ARHGEF11: variants seen among roughly 807,000 people sequenced by gnomAD.
The protein encoded by ARHGEF11 is Rho guanine nucleotide exchange factor 11.
Under a neutral mutation model 193.7 loss-of-function variants are expected in ARHGEF11, and 55 were observed. The ratio of observed to expected loss-of-function variants is 0.28; its 90% confidence interval spans 0.23 to 0.36. The LOEUF (loss-of-function observed/expected upper bound fraction) is 0.36, where lower values mean the gene tolerates loss of function less well. ARHGEF11 is among the 10% of genes least tolerant of loss of function. The pLI, the probability that ARHGEF11 is intolerant of heterozygous loss-of-function variation, is 1.00. For synonymous variants in ARHGEF11, 693 were observed against 768.0 expected (o/e 0.90, Z 1.62); for missense variants, 1,723 against 2,005.6 (o/e 0.86, Z 2.69).
rs561097294 is a variant in ARHGEF11, at chr1:157,019,995, C to T, written c.32+24304G>A. 1.9e-4 allele frequency among the ~76,000 whole-genome samples: 29 copies of T among 151,900 alleles called. No individual in the cohort carries two copies. In the South Asian group the frequency reaches 4.4e-3, roughly 23 times the overall value. On this transcript the variant is annotated intron_variant, in intron 1 of 40. Transcript: ENST00000368194. ...CAAAAAAATTAGCCAGGTGTGGTGG[C>T]GGGCGCCTGTAGTCCCAGCTACTCG...
chr1:157,036,545 C>T lies in ARHGEF11; in HGVS notation c.32+7754G>A, dbSNP rs369189006. On this transcript the variant is annotated intron_variant, in intron 1 of 40. Transcript: ENST00000368194. ...CCATGTTGGCCAGGCTGGTCTCAAA[C>T]GCCTCACCTCAGGTAATCCACCCAC... Among the ~76,000 whole-genome samples the T allele has an allele frequency of 1.1e-4, 17 of 152,066 alleles. No individual in the cohort carries two copies. In the Middle Eastern group the frequency reaches 0.01, roughly 91 times the overall value.
Position 156,951,780 on chromosome 1 carries a change from G to A in ARHGEF11, c.1799-81C>T, listed in dbSNP as rs1329224635. The A allele has an allele frequency of 7.1e-5, 112 of 1,581,222 alleles. No homozygotes were observed. In the East Asian group the frequency reaches 2.5e-3, roughly 35 times the overall value. ...CAGGCTTGGACTTCCCCAGATCCCA[G>A]AAGACAGAGCAATGAGCAAGCGTGG... On this transcript the variant is annotated intron_variant, in intron 21 of 40. Transcript: ENST00000368194.
chr1:156,936,793 G>A (rs200994921), intron 40 of ARHGEF11, 23 bp downstream of exon 40: 49 of 1,605,140 alleles, frequency 3.1e-5, no homozygotes, highest in Middle Eastern at 1.7e-4. Context: ...GGTAGGAACC[G>A]AGAGGGACCT....
Position 156,939,657 on chromosome 1 carries a change from G to T in ARHGEF11, c.3987C>A (p.Pro1329=). The T allele has an allele frequency of 6.2e-7, 1 of 1,613,928 alleles. No individual in the cohort carries two copies. The highest frequency in any genetic ancestry group is 8.5e-7 in the Non-Finnish European group (1 of 1,180,024). The change falls in exon 37 of 41, where the codon CCC becomes CCA. Residue 1329 remains proline (P), a synonymous_variant. Coordinates refer to ENST00000368194, the MANE Select transcript of ARHGEF11 (RefSeq NM_198236.3). ...DMGLCSLEHL[P]PRTRNSGIWE... ...ATATCCCAGAATTTCTGGTCCTTGG[G>T]GGTAGGTGTTCCAGAGAACAGAGAC...
In ARHGEF11 at chr1:156,968,110, C is replaced by G; in HGVS notation, c.840G>C (p.Arg280=). 3.7e-6 allele frequency: 6 copies of G among 1,609,448 alleles called. No individual in the cohort carries two copies. Among genetic ancestry groups the G allele is most frequent in the Non-Finnish European group, 5.1e-6 (6 of 1,176,834 alleles). The change falls in exon 11 of 41, where the codon CGG becomes CGC. Residue 280 remains arginine (R), a synonymous_variant. Transcript: ENST00000368194. ...GCCCAGGGTCTGACAGTACCGAGTT[C>G]CGATTCATCAATGACTAGAGAAACA... is the stretch of plus-strand genomic sequence containing the variant. ...FPSLSESLMN[R]NSVLSDPGLD...
intron 1 of ARHGEF11, among the ~76,000 whole-genome samples, chr1:157,002,348 A>G (rs1226903156): frequency 6.6e-6 from 1 of 152,214 alleles, no homozygotes; most frequent in African/African-American, 2.4e-5. Context: ...TGAGGCACAT[A>G]AGATACACTC....
rs756402624 is a variant in ARHGEF11, at chr1:156,946,740, G to A, written c.2616C>T (p.Phe872=). 1 of 1,614,222 alleles carries A rather than the reference G, an allele frequency of 6.2e-7. No homozygotes were observed. The highest frequency in any genetic ancestry group is 1.1e-5 in the South Asian group (1 of 91,074). ...CTAGGGCTATTGACTGATAGGAACAGAACTGTGCAGCCACTTGCTGGAGTT... is the reference window on the plus strand; with the variant it reads ...CTAGGGCTATTGACTGATAGGAACAAAACTGTGCAGCCACTTGCTGGAGTT... The part of the protein sequence containing the change: ...REELQQVAAQ[F]CSYQSIALEL... Residue 872 remains phenylalanine (F), a synonymous_variant, in exon 28 of 41, where the codon TTC becomes TTT. Transcript: ENST00000368194.
chr1:157,037,054 G>A (rs998573700), intron 1 of ARHGEF11, among the ~76,000 whole-genome samples: 1 of 152,120 alleles, frequency 6.6e-6, no homozygotes, highest in Non-Finnish European at 1.5e-5. Flanking sequence ...CTTGAACCTG[G>A]GAGGCAGGGG....
At chr1:156,936,273 G>T in intron 40 of ARHGEF11, 2 of 735,112 alleles carry the variant, frequency 2.7e-6, no homozygotes, top group South Asian at 1.4e-5. Context: ...TATGTGCCTT[G>T]TCTTCCTGAG....
chr1:157,027,253 A>G (rs1670757228), intron 1 of ARHGEF11, among the ~76,000 whole-genome samples: 2 of 152,124 alleles, frequency 1.3e-5, no homozygotes, highest in Non-Finnish European at 2.9e-5. Context: ...GCGGTGGCAC[A>G]TGCCTGTAGT....
chr1:157,039,073 C>T lies in ARHGEF11; in HGVS notation c.32+5226G>A, dbSNP rs558037097. Among the ~76,000 whole-genome samples, 3 of 152,246 alleles carry T rather than the reference C, an allele frequency of 2.0e-5. No homozygotes were observed. In the South Asian group the frequency reaches 6.2e-4, roughly 32 times the overall value. On this transcript the variant is annotated intron_variant, in intron 1 of 40. Coordinates refer to ENST00000368194, the MANE Select transcript of ARHGEF11 (RefSeq NM_198236.3). The stretch of plus-strand genomic sequence containing the variant: ...AATCCTATTCCAATTCTATTAGGGG[C>T]CATGGATTTCTCAGTTCCTCCCCAT...
intron 15 of ARHGEF11, 32 bp downstream of exon 15, chr1:156,960,383 CAAG>C: frequency 6.2e-7 from 1 of 1,612,030 alleles, no homozygotes. Context: ...AGAAAGCTAC[CAAG>C]AAGAGACTTA....
Position 156,940,198 on chromosome 1 carries a change from A to G in ARHGEF11, c.3733+9T>C. 1 of 1,567,464 alleles carries G rather than the reference A, an allele frequency of 6.4e-7. No homozygotes were observed. The highest frequency in any genetic ancestry group is 2.1e-4 in the Middle Eastern group (1 of 4,814). ...CCAGGGGCTGACGGCAGGGCCTTGA[A>G]GCACTCACCATCTTCCAGAGCGGAG... On this transcript the variant is annotated intron_variant, in intron 36 of 40. Transcript: ENST00000368194.
At chr1:156,999,457 A>G (rs1666942475) in intron 1 of ARHGEF11, among the ~76,000 whole-genome samples, 1 of 151,786 alleles carries the variant, frequency 6.6e-6, no homozygotes, top group African/African-American at 2.4e-5. Context: ...GTCCCTTATA[A>G]TTCTTCTTCA....
chr1:157,038,596 G>A (rs188204207), intron 1 of ARHGEF11, among the ~76,000 whole-genome samples: 1 of 152,304 alleles, frequency 6.6e-6, no homozygotes, highest in Non-Finnish European at 1.5e-5. Context: ...GTCTTTACTA[G>A]GTTAAGAGAC....
chr1:156,986,026 C>A, intron 2 of ARHGEF11, 56 bp downstream of exon 2: 1 of 1,455,778 alleles, frequency 6.9e-7, no homozygotes, highest in South Asian at 1.1e-5. Flanking sequence ...GCTGGGAATA[C>A]AGGCATGTGC....
At chr1:156,944,512 A>G in intron 30 of ARHGEF11, 79 bp from the exon 31 acceptor site, 1 of 1,475,958 alleles carries the variant, frequency 6.8e-7, no homozygotes, top group East Asian at 2.3e-5. Flanking sequence ...TGTGCCAGAC[A>G]TTGTGTTAAG....
chr1:157,014,778 T>C (rs1216870123), intron 1 of ARHGEF11, among the ~76,000 whole-genome samples: 1 of 152,206 alleles, frequency 6.6e-6, no homozygotes, highest in African/African-American at 2.4e-5. Context: ...CTTTTCCAGA[T>C]CTCATCTCAC....
chr1:157,037,949 T>C (rs1353653115), intron 1 of ARHGEF11, among the ~76,000 whole-genome samples: 1 of 146,598 alleles, frequency 6.8e-6, no homozygotes, highest in Non-Finnish European at 1.5e-5. Flanking sequence ...AGAGAATCGC[T>C]TGAACCCAGG....
Sources: gnomAD v4.1 joint callset for allele counts (sites outside exome capture counted in the v4.1 genomes callset) on GRCh38, gnomAD v4.1.1 for gene constraint, MANE v1.5 for transcripts, NCBI Gene and HGNC (gene_info 2026-07-23, HGNC 2026-07-21) for gene names.